The following PRKG1 variants were observed in gnomAD, a reference collection of about 807,000 sequenced individuals.
PRKG1 encodes the protein cGMP-dependent protein kinase 1.
A neutral mutation model predicts 88.1 loss-of-function variants in PRKG1; 35 were observed. The observed-to-expected ratio is 0.40, with a 90% CI of 0.30 to 0.53. The LOEUF (loss-of-function observed/expected upper bound fraction) is 0.53. Ranked by LOEUF, PRKG1 falls within the 20% of genes least tolerant of loss-of-function variation. PRKG1 has a pLI of 0.59. For missense variants in PRKG1, 540 were observed against 839.8 expected, an observed-to-expected ratio of 0.64 and a Z score of 4.41; for synonymous variants, 303 against 292.5, an observed-to-expected ratio of 1.04 and a Z score of -0.37.
intron 2 of PRKG1, among the ~76,000 whole-genome samples, chr10:51,429,806 AC>A (rs1277374704): frequency 6.6e-6 from 1 of 151,880 alleles, no homozygotes; most frequent in African/African-American, 2.4e-5. Flanking sequence ...GAAAAAAAAA[AC>A]AGAAGAAGGA....
intron 1 of PRKG1, among the ~76,000 whole-genome samples, chr10:51,023,324 G>A (rs985670460): frequency 1.3e-5 from 2 of 152,176 alleles, no homozygotes; most frequent in Admixed American, 6.6e-5. Flanking sequence ...GTCCAAATTT[G>A]CTGTGTGAAA....
intron 4 of PRKG1, among the ~76,000 whole-genome samples, chr10:51,814,130 A>G (rs957220755): frequency 6.6e-6 from 1 of 152,166 alleles, no homozygotes; most frequent in South Asian, 2.1e-4. Context: ...CCTCAAGCAC[A>G]GGTTGTAGTC....
chr10:51,906,032 C>T (rs1842079049), intron 4 of PRKG1, among the ~76,000 whole-genome samples: 2 of 152,072 alleles, frequency 1.3e-5, no homozygotes, highest in Admixed American at 6.6e-5. Context: ...GATAGGAGAA[C>T]TTGACCTAGC....
intron 5 of PRKG1, among the ~76,000 whole-genome samples, chr10:51,940,639 A>G (rs570815927): frequency 2.6e-5 from 4 of 151,920 alleles, no homozygotes; most frequent in Non-Finnish European, 5.9e-5. Flanking sequence ...TTACAGAGTC[A>G]TTTAAACATG....
At chr10:51,595,808 C>A (rs1218711997) in intron 3 of PRKG1, among the ~76,000 whole-genome samples, 1 of 151,894 alleles carries the variant, frequency 6.6e-6, no homozygotes, top group African/African-American at 2.4e-5. Context: ...CATACTTTTA[C>A]CATTAGTACT....
Position 52,272,418 on chromosome 10 carries a change from A to C in PRKG1, c.1340A>C (p.Lys447Thr). 6.2e-7 allele frequency: 1 copy of C among 1,610,038 alleles called. No homozygotes were observed. Among genetic ancestry groups the C allele is most frequent in the Non-Finnish European group, 8.5e-7 (1 of 1,177,010 alleles). ...CTGTACAGAACATTTAAGGACAGCA[A>C]ATATTTGTATATGTTGATGGAAGCT... The part of the protein sequence containing the change: ...VRLYRTFKDS[K>T]YLYMLMEACL... The change falls in exon 12 of 18, where the codon AAA becomes ACA. Residue 447 changes from lysine (K) to threonine (T), a missense_variant. Physicochemically the swap from Lys to Thr is moderately conservative, Grantham distance 78. Coordinates refer to ENST00000373980, the MANE Select transcript of PRKG1 (RefSeq NM_006258.4).
In PRKG1 at chr10:51,902,534, A is replaced by G. The variant is rs533922451; in HGVS notation, c.699-4973A>G. ...TATGTAAAACTGTTATTGAAAAATAAGGTATCCAAATGTATTTACTTGTTG... is the reference window on the plus strand; with the variant it reads ...TATGTAAAACTGTTATTGAAAAATAGGGTATCCAAATGTATTTACTTGTTG... On this transcript the variant is annotated intron_variant, in intron 4 of 17. Coordinates refer to ENST00000373980, the MANE Select transcript of PRKG1 (RefSeq NM_006258.4). 1.8e-3 allele frequency among the ~76,000 whole-genome samples: 271 copies of G among 152,346 alleles called. 1 individual carries two copies. Among genetic ancestry groups the G allele is most frequent in the Admixed American group, 3.1e-3 (47 of 15,288 alleles).
At chr10:51,848,801 A>T (rs1840471086) in intron 4 of PRKG1, among the ~76,000 whole-genome samples, 1 of 150,688 alleles carries the variant, frequency 6.6e-6, no homozygotes. Flanking sequence ...GCCACTTCTC[A>T]GCCTATGTGT....
intron 3 of PRKG1, among the ~76,000 whole-genome samples, chr10:51,471,723 C>T (rs1840054063): frequency 6.6e-6 from 1 of 151,902 alleles, no homozygotes; most frequent in African/African-American, 2.4e-5. Context: ...CCCTACTTCT[C>T]TTACTTTGAG....
intron 5 of PRKG1, among the ~76,000 whole-genome samples, chr10:52,000,320 C>T (rs1402215649): frequency 2.5e-5 from 3 of 119,884 alleles, no homozygotes; most frequent in Admixed American, 1.7e-4. Context: ...ATGAGTGAGA[C>T]AGCAATATAT....
chr10:51,272,334 A>C (rs1366101165), intron 2 of PRKG1, among the ~76,000 whole-genome samples: 3 of 151,534 alleles, frequency 2.0e-5, no homozygotes, highest in African/African-American at 7.3e-5. Context: ...AGGGAGGGGA[A>C]CATCACACAC....
intron 3 of PRKG1, among the ~76,000 whole-genome samples, chr10:51,589,149 C>T (rs1365365503): frequency 2.6e-5 from 4 of 152,056 alleles, no homozygotes; most frequent in Admixed American, 6.6e-5. Context: ...GAACTAGGTG[C>T]CCTATCAACT....
At chr10:51,084,974 G>A in intron 1 of PRKG1, among the ~76,000 whole-genome samples, 1 of 152,194 alleles carries the variant, frequency 6.6e-6, no homozygotes, top group East Asian at 1.9e-4. Context: ...TGGATATACT[G>A]TACATCATCT....
At chr10:52,029,700 T>C (rs545579537) in intron 5 of PRKG1, among the ~76,000 whole-genome samples, 17 of 152,166 alleles carry the variant, frequency 1.1e-4, no homozygotes, top group Non-Finnish European at 2.4e-4. Context: ...TAATTTAACA[T>C]ATTCAGGGAA....
At chr10:51,608,667 G>A (rs914760694) in intron 3 of PRKG1, among the ~76,000 whole-genome samples, 2 of 152,104 alleles carry the variant, frequency 1.3e-5, no homozygotes, top group Non-Finnish European at 2.9e-5. Flanking sequence ...TCTGTTATTA[G>A]GAAGTGAATC....
At chr10:51,679,385 T>G (rs1840788227) in intron 3 of PRKG1, among the ~76,000 whole-genome samples, 1 of 152,094 alleles carries the variant, frequency 6.6e-6, no homozygotes, top group Admixed American at 6.6e-5. Flanking sequence ...CTCAGAAAAA[T>G]TTAGATTCTG....
chr10:51,969,761 C>T (rs185669612), intron 5 of PRKG1, among the ~76,000 whole-genome samples: 367 of 151,984 alleles, frequency 2.4e-3, no homozygotes, highest in African/African-American at 8.5e-3. Flanking sequence ...TAAATATTCA[C>T]AACAACCAGT....
intron 3 of PRKG1, among the ~76,000 whole-genome samples, chr10:51,791,744 G>GA (rs1339202656): frequency 6.6e-6 from 1 of 152,084 alleles, no homozygotes; most frequent in Non-Finnish European, 1.5e-5. Context: ...TTTAGAGGGG[G>GA]AAAAATTCTA....
intron 3 of PRKG1, among the ~76,000 whole-genome samples, chr10:51,594,962 T>C (rs931432707): frequency 1.3e-5 from 2 of 152,148 alleles, no homozygotes; most frequent in African/African-American, 4.8e-5. Flanking sequence ...ATATTAAGGG[T>C]CTTTCAGTTT....
Sources: allele counts gnomAD v4.1 joint callset (sites outside exome capture counted in the v4.1 genomes callset), GRCh38; gene constraint gnomAD v4.1.1; transcripts MANE v1.5; gene names NCBI Gene and HGNC (gene_info 2026-07-23, HGNC 2026-07-21).